XPO6: variants seen among roughly 807,000 people sequenced by gnomAD.
XPO6 encodes exportin-6.
Under a neutral mutation model 130.0 loss-of-function variants are expected in XPO6, and 3 were observed. The observed-to-expected ratio is 0.02, with a 90% CI of 0.01 to 0.06. The LOEUF (loss-of-function observed/expected upper bound fraction) is 0.06, where lower values mean the gene tolerates loss of function less well. XPO6 is among the 10% of genes least tolerant of loss of function. XPO6 has a pLI of 1.00. For synonymous variants in XPO6, 524 were observed against 548.9 expected (o/e 0.95, Z 0.63); for missense variants, 970 against 1,393.0 (o/e 0.70, Z 4.83).
intron 12 of XPO6, among the ~76,000 whole-genome samples, chr16:28,131,340 C>T (rs1225935252): frequency 1.3e-5 from 2 of 152,294 alleles, no homozygotes; most frequent in East Asian, 3.9e-4. Context: ...GAATCACAAG[C>T]TCATCCAGGA....
chr16:28,111,497 C>G (rs1206776881), intron 17 of XPO6: 2 of 224,230 alleles, frequency 8.9e-6, no homozygotes, highest in African/African-American at 2.3e-5. Context: ...TGAAATAGAT[C>G]AATAACCACC....
At chr16:28,148,906 G>A (rs1471163389) in intron 8 of XPO6, among the ~76,000 whole-genome samples, 1 of 151,948 alleles carries the variant, frequency 6.6e-6, no homozygotes, top group Non-Finnish European at 1.5e-5. Flanking sequence ...AGCCGGGTGG[G>A]ATGGTGCTTG....
At chr16:28,141,868 G>A (rs941408487) in intron 9 of XPO6, among the ~76,000 whole-genome samples, 12 of 152,226 alleles carry the variant, frequency 7.9e-5, no homozygotes, top group African/African-American at 2.9e-4. Flanking sequence ...GCTGAGGCAG[G>A]AGAATGGTGT....
At chr16:28,143,466 A>G (rs1441755700) in intron 9 of XPO6, among the ~76,000 whole-genome samples, 1 of 152,250 alleles carries the variant, frequency 6.6e-6, no homozygotes, top group African/African-American at 2.4e-5. Flanking sequence ...AAATGTGATC[A>G]GCATATAACT....
At chr16:28,151,739 A>C (rs1373374513) in intron 8 of XPO6, among the ~76,000 whole-genome samples, 1 of 152,184 alleles carries the variant, frequency 6.6e-6, no homozygotes, top group East Asian at 1.9e-4. Context: ...TTATTTTAAA[A>C]ACACACAGCT....
At chr16:28,204,372 T>C (rs7204453) in intron 1 of XPO6, among the ~76,000 whole-genome samples, 87,187 of 151,454 alleles carry the variant, frequency 0.58, 27,431 homozygotes, top group South Asian at 0.72. Context: ...ACTGGAAAAG[T>C]GACTCGAGGC....
chr16:28,112,678 G>A (rs1266705274), intron 16 of XPO6, among the ~76,000 whole-genome samples: 5 of 152,244 alleles, frequency 3.3e-5, no homozygotes, highest in Admixed American at 2.6e-4. Context: ...TCTGCACACT[G>A]GGAGGTGCTT....
At chr16:28,176,757 C>T (rs1006349279) in intron 3 of XPO6, among the ~76,000 whole-genome samples, 14 of 151,974 alleles carry the variant, frequency 9.2e-5, no homozygotes, top group South Asian at 6.2e-4. Context: ...GATCCACCCG[C>T]CTCGGCCTCC....
intron 4 of XPO6, among the ~76,000 whole-genome samples, chr16:28,171,072 CTT>C (rs75349360): frequency 4.3e-4 from 62 of 142,646 alleles, no homozygotes; most frequent in Admixed American, 5.6e-4. Context: ...CCCTGACACA[CTT>C]TTTTTTTTTT....
At chr16:28,109,984 T>A (rs1387792586) in intron 17 of XPO6, among the ~76,000 whole-genome samples, 1 of 152,226 alleles carries the variant, frequency 6.6e-6, no homozygotes, top group South Asian at 2.1e-4. Flanking sequence ...AATTAGTGAA[T>A]CTGGGTGAGA....
intron 5 of XPO6, among the ~76,000 whole-genome samples, chr16:28,168,776 GT>G (rs201220464): frequency 7.1e-6 from 1 of 141,556 alleles, no homozygotes; most frequent in African/African-American, 2.7e-5. Context: ...TAACTTTTTT[GT>G]TTTGTTTTTT....
chr16:28,138,931 A>C (rs952601784), intron 9 of XPO6, among the ~76,000 whole-genome samples: 1 of 152,198 alleles, frequency 6.6e-6, no homozygotes, highest in African/African-American at 2.4e-5. Flanking sequence ...AGGAGAAGAC[A>C]ATCGACAGAT....
Position 28,106,586 on chromosome 16 carries a change from A to G in XPO6, c.2498-89T>C, listed in dbSNP as rs944136215. 5.0e-6 allele frequency: 5 copies of G among 993,506 alleles called. No individual in the cohort carries two copies. Among genetic ancestry groups the G allele is most frequent in the Non-Finnish European group, 6.3e-6 (4 of 636,102 alleles). 61.5% of individuals were successfully genotyped at this position (993,506 alleles called of 1,614,324 possible). A position where few individuals can be genotyped will look rare whatever the true frequency, so the allele number is the denominator to read the frequency against. On this transcript the variant is annotated intron_variant, in intron 18 of 23. Coordinates refer to ENST00000304658, the MANE Select transcript of XPO6 (RefSeq NM_015171.4). This position sits in a 1 kb window ranked among gnomAD's most constrained non-coding sequence, Gnocchi z 4.2. ...TCATCAACCTACTCCTGAAATCTGC[A>G]CTATCAGCTTTCTCTACAGCTTCCT...
At chr16:28,202,572 T>C (rs896406086) in intron 1 of XPO6, among the ~76,000 whole-genome samples, 3 of 152,134 alleles carry the variant, frequency 2.0e-5, no homozygotes, top group Non-Finnish European at 4.4e-5. Context: ...GGGGGCGCTA[T>C]AGAAGAGGAA....
In XPO6 at chr16:28,104,625, G is replaced by C. The variant is rs917671591; in HGVS notation, c.2867C>G (p.Ser956Cys). Residue 956 changes from serine to cysteine, a missense_variant, in exon 21 of 24, where the codon TCC (serine) becomes TGC (cysteine). Around this residue, in one of 4 missense-constraint regions of XPO6, gnomAD observed 936 missense variants for 1,306.8 expected, o/e 0.72. Transcript: ENST00000304658. ...CCTCTGGACACTGGCCAGCACGGTGGACTTGAAGAAGTACCTCCAGTTGTG... is the reference window on the plus strand; with the variant it reads ...CCTCTGGACACTGGCCAGCACGGTGCACTTGAAGAAGTACCTCCAGTTGTG... ...LHHNWRYFFK[S>C]TVLASVQRGI... is the part of the protein sequence containing the mutation. 7 of 1,614,094 alleles carry C rather than the reference G, an allele frequency of 4.3e-6. No individual in the cohort carries two copies. Among genetic ancestry groups the C allele is most frequent in the Non-Finnish European group, 5.9e-6 (7 of 1,180,042 alleles).
At chr16:28,196,892 C>T (rs1425797475) in intron 1 of XPO6, among the ~76,000 whole-genome samples, 1 of 152,086 alleles carries the variant, frequency 6.6e-6, no homozygotes, top group Non-Finnish European at 1.5e-5. Flanking sequence ...TACCACATGC[C>T]CAATCTTGAA....
At chr16:28,178,040 A>G (rs775511608) in intron 2 of XPO6, among the ~76,000 whole-genome samples, 10 of 152,236 alleles carry the variant, frequency 6.6e-5, no homozygotes, top group Non-Finnish European at 1.5e-4. Context: ...GGCAGCAAGC[A>G]TTACGGGGCT....
chr16:28,138,089 C>A (rs920910007), intron 9 of XPO6, among the ~76,000 whole-genome samples: 4 of 138,288 alleles, frequency 2.9e-5, no homozygotes, highest in African/African-American at 8.2e-5. Flanking sequence ...GGAAAGAATG[C>A]CGGCAGGGAA....
Position 28,106,212 on chromosome 16 carries a change from T to G in XPO6, c.2615A>C (p.Glu872Ala). Residue 872 changes from glutamate to alanine, a missense_variant and splice_region_variant, in exon 20 of 24, where the codon GAG (glutamate) becomes GCG (alanine). Coordinates refer to ENST00000304658, the MANE Select transcript of XPO6 (RefSeq NM_015171.4). This position sits in a 1 kb window ranked among gnomAD's most constrained non-coding sequence, Gnocchi z 4.2. ...GTGGAGGATGCTCTCGGCTAACTGC[T>G]CTCTACAGAGGAGAAAGCCACACAG... The part of the protein sequence containing the change: ...IQTFLNMFTR[E>A]QLAESILHEG... 1 of 1,613,838 alleles carries G rather than the reference T, an allele frequency of 6.2e-7. No individual in the cohort carries two copies. The highest frequency in any genetic ancestry group is 2.2e-5 in the East Asian group (1 of 44,882).
Sources: allele counts gnomAD v4.1 joint callset (sites outside exome capture counted in the v4.1 genomes callset), GRCh38; gene constraint gnomAD v4.1.1; regional missense constraint gnomAD v4.1.1; non-coding constraint Gnocchi (gnomAD v3.1); transcripts MANE v1.5; gene names NCBI Gene and HGNC (gene_info 2026-07-23, HGNC 2026-07-21).